The following FOXP2 variants were observed in gnomAD, a reference collection of about 807,000 sequenced individuals.
The protein encoded by FOXP2 is forkhead box P2.
Under a neutral mutation model 115.8 loss-of-function variants are expected in FOXP2, and 12 were observed. That is an observed-to-expected ratio of 0.10 (90% CI 0.07 to 0.17). The LOEUF (loss-of-function observed/expected upper bound fraction) is 0.17. FOXP2 is among the 10% of genes least tolerant of loss of function. FOXP2 has a pLI of 1.00. For missense variants in FOXP2, 629 were observed against 843.5 expected (o/e 0.75, Z 3.15); for synonymous variants, 328 against 297.7 (o/e 1.10, Z -1.05).
At chr7:114,430,143 C>T (rs374397539) in intron 2 of FOXP2, among the ~76,000 whole-genome samples, 1 of 151,724 alleles carries the variant, frequency 6.6e-6, no homozygotes, top group African/African-American at 2.4e-5. Flanking sequence ...ACGATAACCT[C>T]TCCTATACAC....
At chr7:114,675,678 GT>G (rs1807715300) in intron 16 of FOXP2, among the ~76,000 whole-genome samples, 1 of 152,034 alleles carries the variant, frequency 6.6e-6, no homozygotes, top group South Asian at 2.1e-4. Flanking sequence ...ATTGTAGATG[GT>G]TAAAAGGAAA....
chr7:114,298,118 CA>C (rs1239444565), intron 2 of FOXP2, among the ~76,000 whole-genome samples: 3 of 152,056 alleles, frequency 2.0e-5, no homozygotes, highest in African/African-American at 7.2e-5. Flanking sequence ...AAAGTTTTCT[CA>C]AAATGAGGAG....
chr7:114,630,428 C>T (rs951118546), intron 5 of FOXP2, among the ~76,000 whole-genome samples: 3 of 152,104 alleles, frequency 2.0e-5, no homozygotes, highest in African/African-American at 4.8e-5. Context: ...TTCAAAGTCA[C>T]AGGCCCCTGA....
At chr7:114,244,599 C>G (rs926374042) in intron 1 of FOXP2, among the ~76,000 whole-genome samples, 1 of 152,116 alleles carries the variant, frequency 6.6e-6, no homozygotes, top group East Asian at 1.9e-4. Context: ...GCTTTTCATA[C>G]AGATTATTTA....
chr7:114,435,616 C>T (rs1004415199), intron 2 of FOXP2, among the ~76,000 whole-genome samples: 3 of 152,182 alleles, frequency 2.0e-5, no homozygotes, highest in African/African-American at 4.8e-5. Flanking sequence ...TGGCTCACTG[C>T]AACCTCTGCC....
intron 1 of FOXP2, among the ~76,000 whole-genome samples, chr7:114,130,488 A>G (rs1205341279): frequency 6.6e-6 from 1 of 152,200 alleles, no homozygotes; most frequent in African/African-American, 2.4e-5. Flanking sequence ...AGAATTAGGA[A>G]AAAGAAAGTT....
At chr7:114,489,675 G>A (rs1422891254) in intron 2 of FOXP2, among the ~76,000 whole-genome samples, 1 of 152,008 alleles carries the variant, frequency 6.6e-6, no homozygotes, top group Admixed American at 6.6e-5. Flanking sequence ...GAAGAATACA[G>A]ATAATAAACC....
At chr7:114,137,108 T>G (rs910269347) in intron 1 of FOXP2, among the ~76,000 whole-genome samples, 2 of 152,104 alleles carry the variant, frequency 1.3e-5, no homozygotes, top group Non-Finnish European at 2.9e-5. Flanking sequence ...GACAGCAGCT[T>G]GAATTATTTT....
chr7:114,444,911 A>G (rs1190815191), intron 2 of FOXP2, among the ~76,000 whole-genome samples: 1 of 152,098 alleles, frequency 6.6e-6, no homozygotes, highest in Non-Finnish European at 1.5e-5. Flanking sequence ...CTTGTTCTAC[A>G]TTTTTTAGTT....
chr7:114,535,442 A>T (rs893722611), intron 3 of FOXP2, among the ~76,000 whole-genome samples: 1 of 151,766 alleles, frequency 6.6e-6, no homozygotes, highest in East Asian at 1.9e-4. Context: ...CTGTTGAAAG[A>T]TAAGTAATGC....
chr7:114,377,081 A>C (rs1287189489), intron 2 of FOXP2, among the ~76,000 whole-genome samples: 1 of 152,146 alleles, frequency 6.6e-6, no homozygotes, highest in South Asian at 2.1e-4. Context: ...TTATTAAATA[A>C]TATTATTATT....
intron 2 of FOXP2, among the ~76,000 whole-genome samples, chr7:114,347,853 T>C (rs1371132644): frequency 6.6e-6 from 1 of 152,056 alleles, no homozygotes; most frequent in Non-Finnish European, 1.5e-5. Context: ...ATTTGGTTAA[T>C]ATAAATGTTG....
chr7:114,585,776 A>T (rs572043756), intron 3 of FOXP2, among the ~76,000 whole-genome samples: 1 of 152,284 alleles, frequency 6.6e-6, no homozygotes, highest in East Asian at 1.9e-4. Context: ...CTGAAGTGGG[A>T]GAATCTCTTT....
intron 3 of FOXP2, among the ~76,000 whole-genome samples, chr7:114,576,305 G>A (rs545005403): frequency 2.6e-5 from 4 of 151,414 alleles, no homozygotes; most frequent in East Asian, 3.9e-4. Flanking sequence ...ATCTTTACAC[G>A]CCCCTCTCAG....
chr7:114,094,884 A>G (rs186045900), intron 1 of FOXP2, among the ~76,000 whole-genome samples: 1 of 152,034 alleles, frequency 6.6e-6, no homozygotes, highest in Non-Finnish European at 1.5e-5. Flanking sequence ...GGGAAAAAAA[A>G]CCCACAAAAC....
intron 2 of FOXP2, among the ~76,000 whole-genome samples, chr7:114,429,769 C>T (rs1239503124): frequency 6.6e-6 from 1 of 151,472 alleles, no homozygotes; most frequent in Non-Finnish European, 1.5e-5. Flanking sequence ...ACTGTCAGTT[C>T]ATTTATCCTT....
chr7:114,145,235 T>C (rs1390525343), intron 1 of FOXP2, among the ~76,000 whole-genome samples: 3 of 152,182 alleles, frequency 2.0e-5, no homozygotes, highest in Non-Finnish European at 4.4e-5. Context: ...CTGAAGTTTA[T>C]CTTTCTGACT....
chr7:114,648,521 T>C (rs1806047336), intron 8 of FOXP2, among the ~76,000 whole-genome samples: 1 of 152,156 alleles, frequency 6.6e-6, no homozygotes, highest in Non-Finnish European at 1.5e-5. Flanking sequence ...GAGGTTAAAA[T>C]TGAATCACTA....
chr7:114,184,789 G>A (rs187478667), intron 1 of FOXP2, among the ~76,000 whole-genome samples: 2 of 152,256 alleles, frequency 1.3e-5, no homozygotes, highest in African/African-American at 2.4e-5. Context: ...ACTGCCAAGG[G>A]AAACTGTTTT....
Sources: gnomAD v4.1 joint callset for allele counts (sites outside exome capture counted in the v4.1 genomes callset) on GRCh38, gnomAD v4.1.1 for gene constraint, MANE v1.5 for transcripts, NCBI Gene and HGNC (gene_info 2026-07-23, HGNC 2026-07-21) for gene names.